The following GABRA2 variants were observed in gnomAD, a reference collection of about 807,000 sequenced individuals.
GABRA2 encodes the protein gamma-aminobutyric acid type A receptor subunit alpha2.
Under a neutral mutation model 48.7 loss-of-function variants are expected in GABRA2, and 16 were observed. That is an observed-to-expected ratio of 0.33 (90% CI 0.22 to 0.50). The LOEUF is 0.50. Among genes scored for constraint, GABRA2 ranks in the 20% least tolerant of loss-of-function variants. The pLI is 0.98. For missense variants in GABRA2, 275 were observed against 535.6 expected, an observed-to-expected ratio of 0.51 and a Z score of 4.80; for synonymous variants, 185 against 184.5, an observed-to-expected ratio of 1.00 and a Z score of -0.02.
In GABRA2 at chr4:46,261,727, G is replaced by A. The variant is rs1020090046; in HGVS notation, c.1059+199C>T. 9.8e-6 allele frequency: 6 copies of A among 615,034 alleles called. No homozygotes were observed. In the Admixed American group the frequency reaches 1.1e-4, roughly 12 times the overall value. The allele number at this position is 615,034 out of a possible 1,614,324, so 38.1% of individuals were successfully genotyped here. A position where few individuals can be genotyped will look rare whatever the true frequency, so the allele number is the denominator to read the frequency against. ...ACACATACAGCTCAACAGATGCTAC[G>A]GAGTGGTTTTAATGGAAGTATTAGT... is the stretch of plus-strand genomic sequence containing the variant. On this transcript the variant is annotated intron_variant, in intron 9 of 9. Transcript: ENST00000381620.
At chr4:46,328,319 T>C (rs1352082505) in intron 4 of GABRA2, among the ~76,000 whole-genome samples, 3 of 151,830 alleles carry the variant, frequency 2.0e-5, no homozygotes, top group Non-Finnish European at 4.4e-5. Flanking sequence ...TGTGTGTGTG[T>C]TTGCATATTC....
chr4:46,325,107 G>A (rs545102307), intron 4 of GABRA2, among the ~76,000 whole-genome samples: 4 of 151,888 alleles, frequency 2.6e-5, no homozygotes, highest in African/African-American at 9.7e-5. Context: ...ATAGTATGTA[G>A]TAATAAGCTT....
At position 46,389,825 on chromosome 4, in the gene GABRA2, G is replaced by A; in HGVS notation, c.-101C>T. 1 of 941,582 alleles carries A rather than the reference G, an allele frequency of 1.1e-6. No individual in the cohort carries two copies. The allele number at this position is 941,582 out of a possible 1,614,324, so 58.3% of individuals were successfully genotyped here. On this transcript the variant is annotated 5_prime_UTR_variant, in exon 1 of 10. Coordinates refer to ENST00000381620, the MANE Select transcript of GABRA2 (RefSeq NM_000807.4). Reference sequence around the variant, plus strand: ...TGGGAGAGAGAGAGAGAGAGAGAGAGAGAGAGAGAGAGAGAGAGAGAGAGA... The same window carrying A: ...TGGGAGAGAGAGAGAGAGAGAGAGAAAGAGAGAGAGAGAGAGAGAGAGAGA...
At chr4:46,359,876 C>G (rs1160498597) in intron 3 of GABRA2, among the ~76,000 whole-genome samples, 5 of 150,374 alleles carry the variant, frequency 3.3e-5, no homozygotes, top group Non-Finnish European at 7.4e-5. Context: ...AAGATCGTGC[C>G]ACTGCACTCC....
rs1218860693 is a variant in GABRA2 at position 46,262,948 on chromosome 4, AAGAAAGAAAGAG to A, written c.857-832_857-821del. On this transcript the variant is annotated intron_variant, in intron 8 of 9. Transcript: ENST00000381620. ...GAGAGAAAGAAAGAAGAAAGAAAGA[AAGAAAGAAAGAG>A]AGAGAGAGAGAGAGAGAGGGAGGGA... Among the ~76,000 whole-genome samples, 98 of 94,812 alleles carry A rather than the reference AAGAAAGAAAGAG, an allele frequency of 1.0e-3. No homozygotes were observed. In the South Asian group the frequency reaches 0.013, roughly 13 times the overall value. The allele number at this position is 94,812 out of a possible 152,430, so 62.2% of individuals were successfully genotyped here.
At chr4:46,360,252 GT>G (rs1279877736) in intron 3 of GABRA2, among the ~76,000 whole-genome samples, 2 of 152,192 alleles carry the variant, frequency 1.3e-5, no homozygotes, top group African/African-American at 4.8e-5. Context: ...TAGTTTGGCT[GT>G]TTCCTCACCG....
In GABRA2 at chr4:46,389,936, G is replaced by C; in HGVS notation, c.-212C>G. 1.0e-6 allele frequency: 1 copy of C among 988,630 alleles called. No individual in the cohort carries two copies. The highest frequency in any genetic ancestry group is 5.2e-4 in the Middle Eastern group (1 of 1,930). 61.2% of individuals were successfully genotyped at this position (988,630 alleles called of 1,614,324 possible). A position where few individuals can be genotyped will look rare whatever the true frequency, so the allele number is the denominator to read the frequency against. On this transcript the variant is annotated 5_prime_UTR_variant, in exon 1 of 10. Transcript: ENST00000381620. The stretch of plus-strand genomic sequence containing the variant: ...CCGGAGAGGAGCGCTAGGAGCCGCG[G>C]CGGCGGCGCGAGGTGTAGAAGGAGG...
chr4:46,328,295 TGC>T (rs35258090), intron 4 of GABRA2, among the ~76,000 whole-genome samples: 56,784 of 140,026 alleles, frequency 0.41, 11,049 homozygotes, highest in East Asian at 0.54. Context: ...TGTGTGTGTG[TGC>T]GCACACGCAT....
chr4:46,267,877 G>T (rs989894411), intron 8 of GABRA2, among the ~76,000 whole-genome samples: 4 of 151,964 alleles, frequency 2.6e-5, no homozygotes, highest in African/African-American at 4.8e-5. Context: ...AGATGTCATT[G>T]TAGATTTCAG....
At chr4:46,300,838 T>A (rs1380494667) in intron 8 of GABRA2, among the ~76,000 whole-genome samples, 2 of 152,116 alleles carry the variant, frequency 1.3e-5, no homozygotes, top group African/African-American at 4.8e-5. Context: ...TCTTTCTTCC[T>A]TTTTATACTG....
intron 9 of GABRA2, among the ~76,000 whole-genome samples, chr4:46,254,558 A>G (rs1398614589): frequency 6.6e-6 from 1 of 151,388 alleles, no homozygotes; most frequent in Admixed American, 6.6e-5. Context: ...AAGGCCAGGT[A>G]TAGCCAAAAA....
rs1715571366 is a variant in GABRA2, at chr4:46,375,561, C to T, written c.187+10513G>A. Among the ~76,000 whole-genome samples, 4 of 152,174 alleles carry T rather than the reference C, an allele frequency of 2.6e-5. No individual in the cohort carries two copies. In the South Asian group the frequency reaches 8.3e-4, roughly 32 times the overall value. On this transcript the variant is annotated intron_variant, in intron 3 of 9. Coordinates refer to ENST00000381620, the MANE Select transcript of GABRA2 (RefSeq NM_000807.4). ...TGCCACACTTAAACACCCTCGACAT[C>T]CCTGCTACAGACATAGAAAAATGTG...
intron 8 of GABRA2, among the ~76,000 whole-genome samples, chr4:46,284,784 A>C (rs1337521252): frequency 6.6e-6 from 1 of 151,976 alleles, no homozygotes; most frequent in Admixed American, 6.6e-5. Context: ...GAGCATATTA[A>C]TTTTTTAAAA....
chr4:46,383,589 T>C (rs1485571159), intron 3 of GABRA2, among the ~76,000 whole-genome samples: 3 of 152,096 alleles, frequency 2.0e-5, no homozygotes, highest in Non-Finnish European at 4.4e-5. Flanking sequence ...AAGAGAAACA[T>C]AAAATGGTAA....
At chr4:46,276,671 A>G (rs1720575117) in intron 8 of GABRA2, among the ~76,000 whole-genome samples, 1 of 151,772 alleles carries the variant, frequency 6.6e-6, no homozygotes, top group Admixed American at 6.6e-5. Context: ...CATTAGAGTC[A>G]GGGAGATCTA....
intron 8 of GABRA2, chr4:46,302,373 A>T (rs993589215): frequency 1.3e-5 from 2 of 152,176 alleles, no homozygotes; most frequent in Non-Finnish European, 2.9e-5. Context: ...TCTCTCATTT[A>T]AAGTACTAAT....
chr4:46,366,136 C>T (rs1713999596), intron 3 of GABRA2: 1 of 152,042 alleles, frequency 6.6e-6, no homozygotes, highest in South Asian at 2.1e-4. Flanking sequence ...ATACCAAAAG[C>T]TCTGATTCAC....
At position 46,250,470 on chromosome 4, in the gene GABRA2, CTTG is replaced by C. The variant is rs1336362369; in HGVS notation, c.1191_1193del (p.Asn397del). The C allele has an allele frequency of 1.9e-6, 3 of 1,612,146 alleles. No homozygotes were observed. Among genetic ancestry groups the C allele is most frequent in the Non-Finnish European group, 2.5e-6 (3 of 1,178,722 alleles). ...CTTCAGCTGGCTTGTTTTCTGGCTT[CTTG>C]TTGGGTTCTGGCGTGGTTGCACTCT... is the stretch of plus-strand genomic sequence containing the variant. On this transcript the variant is annotated inframe_deletion, in exon 10 of 10. Coordinates refer to ENST00000381620, the MANE Select transcript of GABRA2 (RefSeq NM_000807.4).
chr4:46,314,776 A>T (rs1348421836), intron 4 of GABRA2, among the ~76,000 whole-genome samples: 1 of 152,064 alleles, frequency 6.6e-6, no homozygotes, highest in Non-Finnish European at 1.5e-5. Context: ...GCTTAGGATA[A>T]TGGCTTCCAG....
Sources: gnomAD v4.1 joint callset for allele counts (sites outside exome capture counted in the v4.1 genomes callset) on GRCh38, gnomAD v4.1.1 for gene constraint, MANE v1.5 for transcripts, NCBI Gene and HGNC (gene_info 2026-07-23, HGNC 2026-07-21) for gene names.